CNST: variants seen among roughly 807,000 people sequenced by gnomAD.
CNST encodes consortin, connexin sorting protein.
A neutral mutation model predicts 72.4 loss-of-function variants in CNST; 39 were observed. The ratio of observed to expected loss-of-function variants is 0.54; its 90% CI spans 0.42 to 0.70. The LOEUF is 0.70. Among genes scored for constraint, CNST ranks in the 30% least tolerant of loss-of-function variants. The pLI, the probability that CNST is intolerant of heterozygous loss-of-function variation, is 0.00. For synonymous variants in CNST, 332 were observed against 320.1 expected (o/e 1.04, Z -0.40); for missense variants, 871 against 868.5 (o/e 1.00, Z -0.04).
rs555334186 is a variant in CNST at position 246,602,745 on chromosome 1, C to T, written c.379+10804C>T. On this transcript the variant is annotated intron_variant, in intron 2 of 10. Transcript: ENST00000366513. Reference sequence around the variant, plus strand: ...AAAGGATGCCAGGAGAAAGTCGGTGCCTCAGATTGTGGCAAGGACCCCGTG... The same window carrying T: ...AAAGGATGCCAGGAGAAAGTCGGTGTCTCAGATTGTGGCAAGGACCCCGTG... Among the ~76,000 whole-genome samples, 3 of 152,268 alleles carry T rather than the reference C, an allele frequency of 2.0e-5. No individual in the cohort carries two copies. In the Middle Eastern group the frequency reaches 0.01, roughly 518 times the overall value.
chr1:246,642,835 ATGGATGG>A (rs1193569570), intron 8 of CNST, among the ~76,000 whole-genome samples: 2 of 142 alleles, frequency 0.014, no homozygotes, highest in Admixed American at 0.12. Flanking sequence ...GATGGTGGTG[ATGGATGG>A]TGATGATGAT....
At chr1:246,651,070 T>A (rs12750060) in intron 9 of CNST, among the ~76,000 whole-genome samples, 16,987 of 152,150 alleles carry the variant, frequency 0.11, 1,138 homozygotes, top group African/African-American at 0.19. Context: ...AATCAGATGA[T>A]GTTGTTGGCC....
intron 2 of CNST, among the ~76,000 whole-genome samples, chr1:246,611,016 T>G (rs1158888181): frequency 1.3e-5 from 2 of 152,224 alleles, no homozygotes; most frequent in Non-Finnish European, 2.9e-5. Context: ...TTTTCTGCTC[T>G]GAACGTGTTC....
At chr1:246,596,383 G>A (rs1443894548) in intron 2 of CNST, among the ~76,000 whole-genome samples, 1 of 150,198 alleles carries the variant, frequency 6.7e-6, no homozygotes, top group Non-Finnish European at 1.5e-5. Context: ...TGGAGACAGA[G>A]TGAGATCCTG....
intron 1 of CNST, chr1:246,566,889 G>T: frequency 2.7e-6 from 1 of 377,306 alleles, no homozygotes; most frequent in Non-Finnish European, 4.7e-6. Context: ...TGCGCGTCGC[G>T]CCAATTTCTC....
At chr1:246,662,150 T>C (rs1418627826) in intron 10 of CNST, among the ~76,000 whole-genome samples, 1 of 152,210 alleles carries the variant, frequency 6.6e-6, no homozygotes, top group African/African-American at 2.4e-5. Flanking sequence ...TAAATTCATT[T>C]TGAGAATTAT....
chr1:246,574,194 A>C (rs1041278783), intron 1 of CNST, among the ~76,000 whole-genome samples: 8 of 151,984 alleles, frequency 5.3e-5, no homozygotes, highest in African/African-American at 1.9e-4. Context: ...GGCACCCGCC[A>C]CCGCGCCCGG....
chr1:246,597,655 G>GT (rs1314155459), intron 2 of CNST, among the ~76,000 whole-genome samples: 1 of 152,220 alleles, frequency 6.6e-6, no homozygotes, highest in Non-Finnish European at 1.5e-5. Flanking sequence ...GGCCTTCACA[G>GT]TGTGGCCAGC....
At chr1:246,615,808 G>T (rs1663650643) in intron 2 of CNST, among the ~76,000 whole-genome samples, 1 of 151,984 alleles carries the variant, frequency 6.6e-6, no homozygotes, top group African/African-American at 2.4e-5. Context: ...AACCCAGGAG[G>T]TGGAGGTTGC....
intron 1 of CNST, among the ~76,000 whole-genome samples, chr1:246,573,504 C>T (rs1660191888): frequency 6.6e-6 from 1 of 152,178 alleles, no homozygotes; most frequent in Non-Finnish European, 1.5e-5. Context: ...CAGGTGGCCT[C>T]TTGGTTGGTT....
At chr1:246,649,398 T>C (rs530559369) in intron 9 of CNST, among the ~76,000 whole-genome samples, 38 of 152,352 alleles carry the variant, frequency 2.5e-4, no homozygotes, top group Non-Finnish European at 4.7e-4. Context: ...TTAGAGCTAA[T>C]GGTATAGCAC....
intron 10 of CNST, among the ~76,000 whole-genome samples, chr1:246,660,926 C>T (rs965002690): frequency 2.6e-5 from 4 of 151,906 alleles, no homozygotes; most frequent in African/African-American, 9.7e-5. Flanking sequence ...TTCAGTTTCC[C>T]TCTTTAGTAC....
Position 246,642,099 on chromosome 1 carries a change from C to T in CNST, c.937+62C>T, listed in dbSNP as rs978975109. 16 of 617,440 alleles carry T rather than the reference C, an allele frequency of 2.6e-5. No individual in the cohort carries two copies. The Admixed American group carries it at 2.8e-4, about 11-fold the overall frequency. 38.2% of individuals were successfully genotyped at this position (617,440 alleles called of 1,614,324 possible). A position where few individuals can be genotyped will look rare whatever the true frequency, so the allele number is the denominator to read the frequency against. On this transcript the variant is annotated intron_variant, in intron 8 of 10. Transcript: ENST00000366513. ...GATACCTGCCTCTTCTGATCTTTTA[C>T]AAGTGATACATCTGAATTGCTGCAA...
chr1:246,644,245 C>T (rs1300465800), intron 8 of CNST, among the ~76,000 whole-genome samples: 2 of 152,036 alleles, frequency 1.3e-5, no homozygotes, highest in Non-Finnish European at 1.5e-5. Flanking sequence ...AAAAATTAGC[C>T]GGGCGTGGTG....
intron 9 of CNST, among the ~76,000 whole-genome samples, chr1:246,657,578 A>G (rs889455864): frequency 1.3e-5 from 2 of 152,210 alleles, no homozygotes; most frequent in East Asian, 1.9e-4. Flanking sequence ...TGCTTCTCCC[A>G]TCTTTAAAAA....
At chr1:246,651,784 C>G (rs1666461531) in intron 9 of CNST, among the ~76,000 whole-genome samples, 2 of 152,128 alleles carry the variant, frequency 1.3e-5, no homozygotes, top group Admixed American at 6.5e-5. Flanking sequence ...ATAGTTTATA[C>G]TGTATACTGT....
In CNST at chr1:246,616,647, C is replaced by T. The variant is rs188353348; in HGVS notation, c.380-4782C>T. 3.8e-4 allele frequency among the ~76,000 whole-genome samples: 58 copies of T among 152,214 alleles called. 1 individual carries two copies. The highest frequency in any genetic ancestry group is 1.3e-3 in the African/African-American group (56 of 41,572). Reference sequence around the variant, plus strand: ...TTGGCTCCCTGCAACCTTCGCCTCCCGGGTTCAAGCAGTTCTCCTGCCTCA... The same window carrying T: ...TTGGCTCCCTGCAACCTTCGCCTCCTGGGTTCAAGCAGTTCTCCTGCCTCA... On this transcript the variant is annotated intron_variant, in intron 2 of 10. Transcript: ENST00000366513.
intron 1 of CNST, among the ~76,000 whole-genome samples, chr1:246,589,460 A>G (rs61852372): frequency 6.6e-6 from 1 of 151,124 alleles, no homozygotes; most frequent in African/African-American, 2.4e-5. Flanking sequence ...TTTTTTATGG[A>G]TGCATAGTAT....
At chr1:246,645,169 C>A (rs2103127936) in intron 8 of CNST, among the ~76,000 whole-genome samples, 1 of 152,210 alleles carries the variant, frequency 6.6e-6, no homozygotes, top group African/African-American at 2.4e-5. Context: ...AGCCTCAGCA[C>A]CAGATGCTCT....
Sources: gnomAD v4.1 joint callset for allele counts (sites outside exome capture counted in the v4.1 genomes callset) on GRCh38, gnomAD v4.1.1 for gene constraint, MANE v1.5 for transcripts, NCBI Gene and HGNC (gene_info 2026-07-23, HGNC 2026-07-21) for gene names.